Variants in SGK3 observed in about 807,000 individuals in gnomAD.
The protein encoded by SGK3 is serine/threonine-protein kinase Sgk3.
In SGK3, 47 loss-of-function variants were observed where a neutral mutation model predicts 68.5. The observed-to-expected ratio is 0.69, with a 90% CI of 0.54 to 0.87. The LOEUF (loss-of-function observed/expected upper bound fraction) is 0.87, where lower values mean the gene tolerates loss of function less well. Ranked by LOEUF, SGK3 falls within the 40% of genes least tolerant of loss-of-function variation. The pLI is 0.00. For synonymous variants in SGK3, 181 were observed against 189.1 expected, an observed-to-expected ratio of 0.96 and a Z score of 0.35; for missense variants, 479 against 575.5, an observed-to-expected ratio of 0.83 and a Z score of 1.72.
intron 15 of SGK3, among the ~76,000 whole-genome samples, chr8:66,848,989 G>A (rs531080415): frequency 5.9e-5 from 9 of 152,236 alleles, no homozygotes; most frequent in South Asian, 2.1e-4. Context: ...AAGAGCACAC[G>A]TGCGTCTCAT....
At chr8:66,826,636 C>CTTTATTTTATTTTAT (rs567720764) in intron 6 of SGK3, among the ~76,000 whole-genome samples, 123 of 151,876 alleles carry the variant, frequency 8.1e-4, no homozygotes, top group African/African-American at 2.7e-3. Flanking sequence ...TGAGAAACTT[C>CTTTATTTTATTTTAT]TTTATTTTAT....
chr8:66,827,274 C>T (rs1050812522), intron 6 of SGK3, among the ~76,000 whole-genome samples: 6 of 150,468 alleles, frequency 4.0e-5, no homozygotes, highest in East Asian at 2.0e-4. Flanking sequence ...CCCAGCTACT[C>T]GGGAGGCTGA....
At chr8:66,723,874 CCT>C (rs777118317) in intron 1 of SGK3, among the ~76,000 whole-genome samples, 1 of 152,290 alleles carries the variant, frequency 6.6e-6, no homozygotes, top group African/African-American at 2.4e-5. Context: ...TTTTTATCCC[CCT>C]CTCTCTTCTC....
chr8:66,854,220 G>A (rs1384561353), intron 16 of SGK3, among the ~76,000 whole-genome samples: 3 of 152,126 alleles, frequency 2.0e-5, no homozygotes, highest in African/African-American at 7.2e-5. Flanking sequence ...ATAGTTTACA[G>A]TTCTGTGGCC....
At chr8:66,850,996 C>T (rs1347472888) in intron 16 of SGK3, 76 bp downstream of exon 16, 1 of 1,414,822 alleles carries the variant, frequency 7.1e-7, no homozygotes, top group East Asian at 2.5e-5. Context: ...GAAACTAGAT[C>T]TCAGAATCAC....
chr8:66,835,885 CAATT>C (rs1198880359), intron 9 of SGK3, 39 bp downstream of exon 9: 26 of 1,608,584 alleles, frequency 1.6e-5, no homozygotes, highest in Non-Finnish European at 2.1e-5. Context: ...CCCATTTTCT[CAATT>C]AAGAGAGCTG....
intron 4 of SGK3, among the ~76,000 whole-genome samples, chr8:66,813,079 C>A (rs570554105): frequency 2.0e-5 from 3 of 151,930 alleles, no homozygotes; most frequent in Non-Finnish European, 4.4e-5. Context: ...CATAGTGAGA[C>A]CCTGTCTCTA....
At chr8:66,730,099 C>A (rs945929775) in intron 1 of SGK3, among the ~76,000 whole-genome samples, 3 of 152,112 alleles carry the variant, frequency 2.0e-5, no homozygotes, top group African/African-American at 7.2e-5. Flanking sequence ...TATGAAGTTT[C>A]ACATTTCTCT....
At chr8:66,777,872 T>TA (rs1806774608) in intron 1 of SGK3, 1 of 152,288 alleles carries the variant, frequency 6.6e-6, no homozygotes, top group African/African-American at 2.4e-5. Flanking sequence ...TGATGTCCTA[T>TA]AAAATCCCAA....
chr8:66,755,965 G>A (rs1805961510), intron 1 of SGK3, among the ~76,000 whole-genome samples: 1 of 152,110 alleles, frequency 6.6e-6, no homozygotes, highest in Non-Finnish European at 1.5e-5. Flanking sequence ...AGCCTGAATT[G>A]TGTCCCCTCA....
At chr8:66,756,740 C>T (rs1805990609) in intron 1 of SGK3, among the ~76,000 whole-genome samples, 1 of 151,702 alleles carries the variant, frequency 6.6e-6, no homozygotes, top group African/African-American at 2.4e-5. Context: ...CCACACCATA[C>T]CTGGCCAATT....
intron 14 of SGK3, 140 bp from the exon 15 acceptor site, chr8:66,847,053 C>A: frequency 8.4e-7 from 1 of 1,195,156 alleles, no homozygotes; most frequent in Non-Finnish European, 1.1e-6. Context: ...CTTCAGGAAG[C>A]CACACTGCAG....
intron 3 of SGK3, among the ~76,000 whole-genome samples, chr8:66,802,174 G>A (rs1424068792): frequency 6.6e-6 from 1 of 151,962 alleles, no homozygotes; most frequent in Non-Finnish European, 1.5e-5. Context: ...CTCCTGTGGT[G>A]AGGGGCAAAG....
At chr8:66,843,049 C>T (rs1424056584) in intron 13 of SGK3, among the ~76,000 whole-genome samples, 1 of 151,908 alleles carries the variant, frequency 6.6e-6, no homozygotes, top group African/African-American at 2.4e-5. Flanking sequence ...CCAGCTTGGG[C>T]GACAGAGAAA....
intron 1 of SGK3, among the ~76,000 whole-genome samples, chr8:66,746,217 G>A (rs555731260): frequency 2.0e-5 from 3 of 152,188 alleles, no homozygotes; most frequent in South Asian, 4.1e-4. Context: ...CTTAGGTTTC[G>A]CCCTCCAACC....
intron 1 of SGK3, among the ~76,000 whole-genome samples, chr8:66,715,988 C>T (rs184469908): frequency 1.3e-4 from 20 of 152,256 alleles, no homozygotes; most frequent in Admixed American, 6.5e-4. Flanking sequence ...TTTCAGAAAC[C>T]ACTTTACCTT....
chr8:66,734,808 G>C (rs1396061028), intron 1 of SGK3, among the ~76,000 whole-genome samples: 1 of 151,896 alleles, frequency 6.6e-6, no homozygotes, highest in Admixed American at 6.6e-5. Context: ...TTAGCTGGGC[G>C]TGGTGGCGCA....
intron 1 of SGK3, among the ~76,000 whole-genome samples, chr8:66,746,865 A>T (rs1477145166): frequency 6.6e-6 from 1 of 151,948 alleles, no homozygotes; most frequent in Non-Finnish European, 1.5e-5. Context: ...GGGCCTAAAA[A>T]ATATATATTT....
At chr8:66,730,435 A>C (rs1008581049) in intron 1 of SGK3, among the ~76,000 whole-genome samples, 1 of 152,052 alleles carries the variant, frequency 6.6e-6, no homozygotes, top group Non-Finnish European at 1.5e-5. Flanking sequence ...GGAGCACAAA[A>C]GTTTTAATTT....
Sources: gnomAD v4.1 joint callset for allele counts (sites outside exome capture counted in the v4.1 genomes callset) on GRCh38, gnomAD v4.1.1 for gene constraint, MANE v1.5 for transcripts, NCBI Gene and HGNC (gene_info 2026-07-23, HGNC 2026-07-21) for gene names.